Variants in NLGN4X observed in about 807,000 individuals in gnomAD.
The protein encoded by NLGN4X is neuroligin 4 X-linked, also known as neuroligin-4, X-linked.
Under a neutral mutation model 40.3 loss-of-function variants are expected in NLGN4X, and 3 were observed. The ratio of observed to expected loss-of-function variants is 0.07; its 90% confidence interval spans 0.03 to 0.19. The LOEUF (loss-of-function observed/expected upper bound fraction) is 0.19. Among genes scored for constraint, NLGN4X ranks in the 10% least tolerant of loss-of-function variants. NLGN4X has a pLI of 1.00. For synonymous variants in NLGN4X, 270 were observed against 306.8 expected, an observed-to-expected ratio of 0.88 and a Z score of 1.25; for missense variants, 382 against 708.3, an observed-to-expected ratio of 0.54 and a Z score of 5.23.
At chrX:6,089,711 T>C (rs1041366290) in intron 2 of NLGN4X, among the ~76,000 whole-genome samples, 4 of 112,026 alleles carry the variant, frequency 3.6e-5, no homozygotes, top group Non-Finnish European at 7.5e-5. Context: ...ATCATTCTCA[T>C]AGTCAGAGGG....
At chrX:5,975,685 T>C (rs2035158233) in intron 3 of NLGN4X, among the ~76,000 whole-genome samples, 1 of 110,203 alleles carries the variant, frequency 9.1e-6, no homozygotes, top group South Asian at 3.9e-4. Context: ...CAGGTCTGTT[T>C]TGTACTTTTT....
intron 2 of NLGN4X, among the ~76,000 whole-genome samples, chrX:6,056,472 T>C (rs1176501367): frequency 9.3e-5 from 10 of 107,144 alleles, no homozygotes; most frequent in African/African-American, 3.4e-4. Context: ...GGAGATTCCA[T>C]CTCAAAAAAA....
intron 1 of NLGN4X, chrX:6,227,772 G>A (rs1366767452): frequency 9.1e-6 from 1 of 110,374 alleles, no homozygotes. Flanking sequence ...AATCACGTGC[G>A]TTATTTCGTG....
chrX:6,083,462 A>G (rs1478564907), intron 2 of NLGN4X, among the ~76,000 whole-genome samples: 1 of 112,277 alleles, frequency 8.9e-6, no homozygotes, highest in Non-Finnish European at 1.9e-5. Flanking sequence ...AAAATGAACT[A>G]AGAAAGATTG....
At chrX:5,915,511 C>A (rs951101525) in intron 3 of NLGN4X, among the ~76,000 whole-genome samples, 1 of 111,962 alleles carries the variant, frequency 8.9e-6, no homozygotes, top group Non-Finnish European at 1.9e-5. Flanking sequence ...AATAGCCAGC[C>A]TGGAAACAAA....
intron 3 of NLGN4X, among the ~76,000 whole-genome samples, chrX:5,932,335 A>G (rs1005249686): frequency 3.6e-5 from 4 of 111,892 alleles, no homozygotes; most frequent in Non-Finnish European, 7.5e-5. Context: ...TCACATGCGT[A>G]ATTACAAACC....
chrX:6,150,156 T>C (rs1007102405), intron 2 of NLGN4X, among the ~76,000 whole-genome samples: 1 of 111,638 alleles, frequency 9.0e-6, no homozygotes, highest in African/African-American at 3.2e-5. Flanking sequence ...AAACGGCATA[T>C]GGAAATGCTA....
At chrX:5,973,935 T>C (rs1277661820) in intron 3 of NLGN4X, among the ~76,000 whole-genome samples, 1 of 112,507 alleles carries the variant, frequency 8.9e-6, no homozygotes, top group Non-Finnish European at 1.9e-5. Flanking sequence ...CAATGAATTA[T>C]GGTAGGTCCA....
chrX:5,891,645 TA>T lies in NLGN4X; in HGVS notation c.*1171del. On this transcript the variant is annotated 3_prime_UTR_variant, in exon 6 of 6. Transcript: ENST00000381095. Reference sequence around the variant, plus strand: ...CCCTGAAATGGGAAGCAACTCTTCCTAAACATATTCAAAGGGCCAGAGCTAC... The same window carrying T: ...CCCTGAAATGGGAAGCAACTCTTCCTAACATATTCAAAGGGCCAGAGCTAC... 4.4e-6 allele frequency: 1 copy of T among 225,676 alleles called. No individual in the cohort carries two copies. Among genetic ancestry groups the T allele is most frequent in the Non-Finnish European group, 8.0e-6 (1 of 124,236 alleles). The allele number at this position is 225,676 out of a possible 1,213,427, so 18.6% of individuals were successfully genotyped here. A position where few individuals can be genotyped will look rare whatever the true frequency, so the allele number is the denominator to read the frequency against.
At chrX:6,082,302 G>A (rs1303416774) in intron 2 of NLGN4X, among the ~76,000 whole-genome samples, 1 of 110,917 alleles carries the variant, frequency 9.0e-6, no homozygotes, top group Non-Finnish European at 1.9e-5. Context: ...ATAGAAGGCT[G>A]ACGCAGGTGG....
rs184395790 is a variant in NLGN4X at position 5,987,420 on chromosome X, A to G, written c.625+41860T>C. ...ATGCACTGCTTTGAAGATGGAAACT[A>G]TATTTCTTCACATGGGTGTTGGTTA... On this transcript the variant is annotated intron_variant, in intron 3 of 5. Transcript: ENST00000381095. 1.2e-3 allele frequency among the ~76,000 whole-genome samples: 131 copies of G among 112,970 alleles called. 1 individual carries two copies. The highest frequency in any genetic ancestry group is 4.1e-3 in the Admixed American group (44 of 10,751).
intron 2 of NLGN4X, among the ~76,000 whole-genome samples, chrX:6,071,833 G>A (rs1161021761): frequency 1.8e-5 from 2 of 111,159 alleles, no homozygotes; most frequent in Non-Finnish European, 3.8e-5. Flanking sequence ...GAGCATAAAA[G>A]CAGCACATGG....
At chrX:6,193,096 T>C (rs1922693983) in intron 1 of NLGN4X, among the ~76,000 whole-genome samples, 2 of 111,804 alleles carry the variant, frequency 1.8e-5, no homozygotes, top group African/African-American at 6.5e-5. Flanking sequence ...ATACTTACCA[T>C]TGCCTCGTCC....
At chrX:5,941,459 T>C (rs1285418885) in intron 3 of NLGN4X, among the ~76,000 whole-genome samples, 1 of 111,304 alleles carries the variant, frequency 9.0e-6, no homozygotes, top group Non-Finnish European at 1.9e-5. Context: ...ACAAATAGGA[T>C]AAAATGAGGT....
intron 1 of NLGN4X, among the ~76,000 whole-genome samples, chrX:6,196,551 C>CAG (rs1923098235): frequency 4.3e-5 from 1 of 23,323 alleles, no homozygotes; most frequent in Non-Finnish European, 8.5e-5. Context: ...GACTCTGTCT[C>CAG]AAAAAAAAAA....
At position 6,073,117 on chromosome X, in the gene NLGN4X, T is replaced by C. The variant is rs752436314; in HGVS notation, c.473-43685A>G. On this transcript the variant is annotated intron_variant, in intron 2 of 5. Coordinates refer to ENST00000381095, the MANE Select transcript of NLGN4X (RefSeq NM_181332.3). ...AAATTCCATTTGGAACTAGTTAAAG[T>C]GGCATGTCTTTCATGATCCCTTCTT... 3.6e-5 allele frequency among the ~76,000 whole-genome samples: 4 copies of C among 112,272 alleles called. No individual in the cohort carries two copies. In the East Asian group the frequency reaches 1.1e-3, roughly 32 times the overall value.
At chrX:5,914,900 T>G (rs2032710353) in intron 3 of NLGN4X, among the ~76,000 whole-genome samples, 1 of 111,910 alleles carries the variant, frequency 8.9e-6, no homozygotes. Flanking sequence ...AGGAAATCAT[T>G]CATGAAATGC....
At chrX:6,168,721 T>A (rs1294589876) in intron 1 of NLGN4X, among the ~76,000 whole-genome samples, 1 of 111,340 alleles carries the variant, frequency 9.0e-6, no homozygotes, top group Non-Finnish European at 1.9e-5. Context: ...ATCCTCCTGC[T>A]TCAGCCTCCC....
At chrX:5,986,775 A>G (rs1315401373) in intron 3 of NLGN4X, among the ~76,000 whole-genome samples, 5 of 112,005 alleles carry the variant, frequency 4.5e-5, no homozygotes, top group Non-Finnish European at 9.4e-5. Flanking sequence ...AAATGTCTCA[A>G]CCTCAGAGTA....
Sources: gnomAD v4.1 joint callset for allele counts (sites outside exome capture counted in the v4.1 genomes callset) on GRCh38, gnomAD v4.1.1 for gene constraint, MANE v1.5 for transcripts, NCBI Gene and HGNC (gene_info 2026-07-23, HGNC 2026-07-21) for gene names.